Variants in ANKRD45 observed in about 807,000 individuals in gnomAD.
ANKRD45 encodes ankyrin repeat domain 45, also known as ankyrin repeat domain-containing protein 45.
Under a neutral mutation model 28.1 loss-of-function variants are expected in ANKRD45, and 21 were observed. The observed-to-expected ratio is 0.75, with a 90% CI of 0.53 to 1.08. The LOEUF (loss-of-function observed/expected upper bound fraction) is 1.08. ANKRD45 is among the 50% of genes least tolerant of loss of function. ANKRD45 has a pLI of 0.00. For missense variants in ANKRD45, 261 were observed against 308.7 expected, an observed-to-expected ratio of 0.85 and a Z score of 1.16; for synonymous variants, 86 against 103.9, an observed-to-expected ratio of 0.83 and a Z score of 1.05.
At chr1:173,616,544 A>G (rs1240998120) in intron 5 of ANKRD45, among the ~76,000 whole-genome samples, 2 of 152,192 alleles carry the variant, frequency 1.3e-5, no homozygotes, top group Non-Finnish European at 2.9e-5. Flanking sequence ...ACTCTTTAAA[A>G]TGATTAATTT....
Position 173,610,127 on chromosome 1 carries a change from C to T in ANKRD45, c.*18G>A, listed in dbSNP as rs766575616. 40 of 1,610,578 alleles carry T rather than the reference C, an allele frequency of 2.5e-5. No individual in the cohort carries two copies. Among genetic ancestry groups the T allele is most frequent in the Admixed American group, 1.7e-4 (10 of 59,596 alleles). ...TTCAGATACTAAAAGAAAATGTGGC[C>T]TTTTACAGAACGTATGTTCAGTTGG... On this transcript the variant is annotated 3_prime_UTR_variant, in exon 6 of 6. Transcript: ENST00000333279.
At chr1:173,685,489 AT>A in the ANKRD45 span, among the ~76,000 whole-genome samples, 1 of 152,234 alleles carries the variant, frequency 6.6e-6, no homozygotes, top group Non-Finnish European at 1.5e-5. Context: ...TAAGGGGACA[AT>A]CTGGGCCTCT....
the ANKRD45 span, among the ~76,000 whole-genome samples, chr1:173,702,362 T>A: frequency 6.6e-6 from 1 of 152,180 alleles, no homozygotes; most frequent in Admixed American, 6.5e-5. Context: ...CAGATATGAC[T>A]GAGATATAAA....
chr1:173,670,580 C>T (rs1429076897), upstream of ANKRD45, among the ~76,000 whole-genome samples: 1 of 152,114 alleles, frequency 6.6e-6, no homozygotes. Flanking sequence ...GTTCGAATAG[C>T]CTAGTTCTGA....
chr1:173,696,069 C>G, the ANKRD45 span, among the ~76,000 whole-genome samples: 1 of 152,128 alleles, frequency 6.6e-6, no homozygotes, highest in Admixed American at 6.5e-5. Context: ...ACACCCTATT[C>G]GTACACTCCC....
At chr1:173,639,247 C>T (rs1668598317) in intron 3 of ANKRD45, among the ~76,000 whole-genome samples, 1 of 152,196 alleles carries the variant, frequency 6.6e-6, no homozygotes, top group Non-Finnish European at 1.5e-5. Context: ...GTGTCCTAGA[C>T]AATCTCCAGT....
intron 3 of ANKRD45, among the ~76,000 whole-genome samples, chr1:173,636,616 A>G (rs902224080): frequency 2.0e-5 from 3 of 152,230 alleles, no homozygotes; most frequent in Non-Finnish European, 2.9e-5. Context: ...AGGATCATAC[A>G]TGTGGCATAT....
chr1:173,641,490 G>A (rs1668697324), intron 3 of ANKRD45, among the ~76,000 whole-genome samples: 1 of 152,220 alleles, frequency 6.6e-6, no homozygotes, highest in South Asian at 2.1e-4. Flanking sequence ...CTCATGGCAA[G>A]GGGAGAATTT....
the ANKRD45 span, among the ~76,000 whole-genome samples, chr1:173,687,165 T>C: frequency 6.6e-6 from 1 of 152,232 alleles, no homozygotes; most frequent in Non-Finnish European, 1.5e-5. Context: ...CACATTCTTA[T>C]GCATCCTTAT....
At chr1:173,655,751 G>T (rs1669474380) in intron 2 of ANKRD45, among the ~76,000 whole-genome samples, 1 of 152,226 alleles carries the variant, frequency 6.6e-6, no homozygotes, top group South Asian at 2.1e-4. Context: ...GCTGTGGTGG[G>T]CTCCACCCAG....
chr1:173,710,984 A>C, the ANKRD45 span, among the ~76,000 whole-genome samples: 1 of 152,114 alleles, frequency 6.6e-6, no homozygotes, highest in Non-Finnish European at 1.5e-5. Flanking sequence ...CAGCCTGGGT[A>C]ACAGATTGAG....
At chr1:173,613,505 T>TGGG (rs1667296625) in intron 5 of ANKRD45, among the ~76,000 whole-genome samples, 1 of 84,744 alleles carries the variant, frequency 1.2e-5, no homozygotes, top group Middle Eastern at 0.011. Context: ...GGGAGGGAGG[T>TGGG]GGGGGCTCAG....
the ANKRD45 span, among the ~76,000 whole-genome samples, chr1:173,695,472 GTGT>G: frequency 6.6e-6 from 1 of 152,132 alleles, no homozygotes; most frequent in Non-Finnish European, 1.5e-5. Flanking sequence ...TTCTGTTCCT[GTGT>G]TAATTCACTT....
chr1:173,649,889 T>C (rs1328079342), intron 2 of ANKRD45, among the ~76,000 whole-genome samples: 1 of 152,160 alleles, frequency 6.6e-6, no homozygotes, highest in East Asian at 1.9e-4. Flanking sequence ...TATTAAATAG[T>C]TCATTTTCCC....
At chr1:173,695,920 C>A in the ANKRD45 span, among the ~76,000 whole-genome samples, 1 of 152,144 alleles carries the variant, frequency 6.6e-6, no homozygotes, top group African/African-American at 2.4e-5. Flanking sequence ...TGCTCTTAAA[C>A]CCTGTCTCCT....
chr1:173,619,181 A>G (rs946404932), intron 5 of ANKRD45, among the ~76,000 whole-genome samples: 3 of 152,244 alleles, frequency 2.0e-5, no homozygotes, highest in Non-Finnish European at 4.4e-5. Flanking sequence ...CACTACAAAA[A>G]TAAACTGAAG....
chr1:173,617,696 G>A (rs899056928), intron 5 of ANKRD45, among the ~76,000 whole-genome samples: 10 of 152,292 alleles, frequency 6.6e-5, no homozygotes, highest in African/African-American at 4.8e-5. Flanking sequence ...ACAGCCTTTC[G>A]GCCTGCTGGC....
chr1:173,635,642 G>A, intron 3 of ANKRD45: 1 of 1,535,688 alleles, frequency 6.5e-7, no homozygotes, highest in Non-Finnish European at 8.7e-7. Context: ...TCTTCCAGAA[G>A]AAGTACATTA....
At chr1:173,675,854 T>C in the ANKRD45 span, among the ~76,000 whole-genome samples, 3 of 152,218 alleles carry the variant, frequency 2.0e-5, no homozygotes, top group Non-Finnish European at 2.9e-5. Context: ...TTATTTTACA[T>C]AGGCATTTAA....
Sources: allele counts gnomAD v4.1 joint callset (sites outside exome capture counted in the v4.1 genomes callset), GRCh38; gene constraint gnomAD v4.1.1; transcripts MANE v1.5; gene names NCBI Gene and HGNC (gene_info 2026-07-23, HGNC 2026-07-21).